TVP23C: variants seen among roughly 807,000 people sequenced by gnomAD.
TVP23C encodes the protein trans-golgi network vesicle protein 23 homolog C, also known as Golgi apparatus membrane protein TVP23 homolog C.
TVP23C carries 19 observed loss-of-function variants against 28.7 expected under a neutral mutation model. The observed-to-expected ratio is 0.66, with a 90% CI of 0.46 to 0.97. The LOEUF is 0.97. TVP23C is among the 50% of genes least tolerant of loss of function. The pLI is 0.00. For missense variants in TVP23C, 186 were observed against 241.3 expected (o/e 0.77, Z 1.52); for synonymous variants, 68 against 81.7 (o/e 0.83, Z 0.90).
At chr17:15,504,577 T>G (rs1381837947) in intron 5 of TVP23C, among the ~76,000 whole-genome samples, 1 of 151,936 alleles carries the variant, frequency 6.6e-6, no homozygotes, top group Non-Finnish European at 1.5e-5. Context: ...CAATTTTTTT[T>G]TAAGAGACAG....
intron 5 of TVP23C, among the ~76,000 whole-genome samples, chr17:15,522,298 T>A (rs921163783): frequency 3.3e-5 from 5 of 152,176 alleles, no homozygotes; most frequent in East Asian, 1.9e-4. Flanking sequence ...TATAAAAGAC[T>A]GATAATTTTA....
At chr17:15,556,685 A>G (rs71284777) in intron 1 of TVP23C, among the ~76,000 whole-genome samples, 21 of 151,990 alleles carry the variant, frequency 1.4e-4, no homozygotes, top group Admixed American at 4.6e-4. Context: ...AGTGGTTCAC[A>G]CCTCAATTCA....
intron 5 of TVP23C, among the ~76,000 whole-genome samples, chr17:15,509,701 T>G (rs1981920356): frequency 6.6e-6 from 1 of 152,232 alleles, no homozygotes. Flanking sequence ...CACTCCAGCC[T>G]GAGCGACAGA....
intron 5 of TVP23C, among the ~76,000 whole-genome samples, chr17:15,526,281 A>G (rs971536309): frequency 6.6e-6 from 1 of 152,100 alleles, no homozygotes; most frequent in African/African-American, 2.4e-5. Flanking sequence ...ATTGGCTTCA[A>G]ATCTGACATA....
chr17:15,561,618 G>GAATAAATA (rs1293031251), intron 1 of TVP23C, among the ~76,000 whole-genome samples: 9 of 121,906 alleles, frequency 7.4e-5, no homozygotes, highest in African/African-American at 9.4e-5. Context: ...ATGAATGAAT[G>GAATAAATA]AATGAATGAA....
intron 5 of TVP23C, among the ~76,000 whole-genome samples, chr17:15,515,216 C>T (rs1052261912): frequency 6.6e-5 from 10 of 152,250 alleles, no homozygotes; most frequent in African/African-American, 2.2e-4. Flanking sequence ...ACGTACACTC[C>T]AGAGTCTCCC....
At chr17:15,555,852 G>T (rs1400266209) in intron 1 of TVP23C, among the ~76,000 whole-genome samples, 1 of 152,022 alleles carries the variant, frequency 6.6e-6, no homozygotes, top group Non-Finnish European at 1.5e-5. Flanking sequence ...CCTCCTCGGG[G>T]ATTTGTTTCA....
At chr17:15,526,464 T>C (rs1002874849) in intron 5 of TVP23C, among the ~76,000 whole-genome samples, 1 of 152,186 alleles carries the variant, frequency 6.6e-6, no homozygotes, top group African/African-American at 2.4e-5. Flanking sequence ...CTCATAGTTC[T>C]TCTTATGTCT....
At chr17:15,544,692 T>C (rs1983566351) in intron 5 of TVP23C, among the ~76,000 whole-genome samples, 1 of 152,116 alleles carries the variant, frequency 6.6e-6, no homozygotes. Context: ...ACTGAATACA[T>C]TTCCTAATTC....
At position 15,537,659 on chromosome 17, in the gene TVP23C, A is replaced by G; in HGVS notation, c.*2753T>C. 1.0e-6 allele frequency: 1 copy of G among 985,564 alleles called. No homozygotes were observed. Among genetic ancestry groups the G allele is most frequent in the Non-Finnish European group, 1.2e-6 (1 of 829,840 alleles). The allele number at this position is 985,564 out of a possible 1,614,324, so 61.1% of individuals were successfully genotyped here. A position where few individuals can be genotyped will look rare whatever the true frequency, so the allele number is the denominator to read the frequency against. On this transcript the variant is annotated 3_prime_UTR_variant, in exon 6 of 6. Coordinates refer to ENST00000518321, the MANE Select transcript of TVP23C (RefSeq NM_001135036.2). ...ACTAACAATTATTTCTAACTTATAC[A>G]TAAGCCAAAGTGCTCACTCTTACCA...
At position 15,539,883 on chromosome 17, in the gene TVP23C, T is replaced by C. The variant is rs568440839; in HGVS notation, c.*529A>G. 3 of 766,854 alleles carry C rather than the reference T, an allele frequency of 3.9e-6. No homozygotes were observed. The highest frequency in any genetic ancestry group is 1.3e-4 in the Admixed American group (2 of 15,948). The allele number at this position is 766,854 out of a possible 1,614,324, so 47.5% of individuals were successfully genotyped here. A position where few individuals can be genotyped will look rare whatever the true frequency, so the allele number is the denominator to read the frequency against. On this transcript the variant is annotated 3_prime_UTR_variant, in exon 6 of 6. Coordinates refer to ENST00000518321, the MANE Select transcript of TVP23C (RefSeq NM_001135036.2). ...CTGAGGTGGGCAGATCACAAGGTCATGAGATGGAGACCATCCTGGCTAACA... is the reference window on the plus strand; with the variant it reads ...CTGAGGTGGGCAGATCACAAGGTCACGAGATGGAGACCATCCTGGCTAACA...
intron 5 of TVP23C, chr17:15,516,530 T>A: frequency 1.7e-5 from 1 of 59,034 alleles, no homozygotes; most frequent in Non-Finnish European, 3.9e-5. Context: ...CACACGGTCC[T>A]TCCTCTGTGT....
Position 15,555,265 on chromosome 17 carries a change from G to C in TVP23C, c.95+17C>G. Reference sequence around the variant, plus strand: ...AACACTGGACACTAACACAGCTCATGCAACTTCTCCTCCTACCTGATTTTG... The same window carrying C: ...AACACTGGACACTAACACAGCTCATCCAACTTCTCCTCCTACCTGATTTTG... On this transcript the variant is annotated intron_variant, in intron 2 of 5. Transcript: ENST00000518321. The C allele has an allele frequency of 6.2e-7, 1 of 1,613,958 alleles. No homozygotes were observed. The highest frequency in any genetic ancestry group is 1.1e-5 in the South Asian group (1 of 91,072).
chr17:15,558,586 G>C (rs1984235966), intron 1 of TVP23C, among the ~76,000 whole-genome samples: 1 of 148,440 alleles, frequency 6.7e-6, no homozygotes, highest in South Asian at 2.2e-4. Context: ...AGGAGGGTCA[G>C]TGAGAGAAGG....
intron 5 of TVP23C, among the ~76,000 whole-genome samples, chr17:15,515,830 T>C (rs1982202863): frequency 1.3e-5 from 2 of 152,138 alleles, no homozygotes; most frequent in South Asian, 4.1e-4. Flanking sequence ...CCTGCCTGTC[T>C]CATGTTGAAA....
intron 3 of TVP23C, among the ~76,000 whole-genome samples, chr17:15,552,571 C>G (rs1983942530): frequency 1.3e-5 from 2 of 151,750 alleles, no homozygotes; most frequent in South Asian, 4.2e-4. Flanking sequence ...GTAATCCCAG[C>G]TACTCGGGAG....
intron 5 of TVP23C, among the ~76,000 whole-genome samples, chr17:15,543,843 A>G (rs1038136758): frequency 6.6e-6 from 1 of 151,880 alleles, no homozygotes; most frequent in Admixed American, 6.6e-5. Context: ...TGAATAATTA[A>G]AGCAACAAGA....
intron 5 of TVP23C, among the ~76,000 whole-genome samples, chr17:15,529,561 T>C (rs1404709629): frequency 1.3e-5 from 2 of 152,236 alleles, no homozygotes; most frequent in South Asian, 2.1e-4. Context: ...TTAAGTGTTA[T>C]GTTTTTCTGA....
intron 5 of TVP23C, chr17:15,506,738 C>T (rs1459808700): frequency 2.7e-6 from 1 of 373,372 alleles, no homozygotes; most frequent in South Asian, 2.2e-5. Flanking sequence ...ACTCCGAACA[C>T]ATCCGAACAT....
Sources: gnomAD v4.1 joint callset for allele counts (sites outside exome capture counted in the v4.1 genomes callset) on GRCh38, gnomAD v4.1.1 for gene constraint, MANE v1.5 for transcripts, NCBI Gene and HGNC (gene_info 2026-07-23, HGNC 2026-07-21) for gene names.